SLC14A2: variants seen among roughly 807,000 people sequenced by gnomAD.
SLC14A2 encodes the protein solute carrier family 14 member 2.
SLC14A2 carries 91 observed loss-of-function variants against 104.6 expected under a neutral mutation model. The ratio of observed to expected loss-of-function variants is 0.87; its 90% CI spans 0.73 to 1.04. The LOEUF (loss-of-function observed/expected upper bound fraction) is 1.04, where lower values mean the gene tolerates loss of function less well. Among genes scored for constraint, SLC14A2 ranks in the 50% least tolerant of loss-of-function variants. The pLI is 0.00. For synonymous variants in SLC14A2, 476 were observed against 466.4 expected (o/e 1.02, Z -0.27); for missense variants, 1,189 against 1,156.0 (o/e 1.03, Z -0.41).
intron 1 of SLC14A2, among the ~76,000 whole-genome samples, chr18:45,478,868 G>C (rs754190949): frequency 2.0e-5 from 3 of 152,006 alleles, no homozygotes; most frequent in Non-Finnish European, 4.4e-5. Flanking sequence ...AGCTTAAATA[G>C]AATTTTTAAG....
At chr18:45,259,039 C>G (rs927067772) in intron 1 of SLC14A2, among the ~76,000 whole-genome samples, 2 of 152,214 alleles carry the variant, frequency 1.3e-5, no homozygotes, top group South Asian at 2.1e-4. Context: ...GTGGATTTCC[C>G]TGAGCTCTGG....
chr18:45,595,027 A>G (rs1329536591), intron 2 of SLC14A2, among the ~76,000 whole-genome samples: 1 of 152,116 alleles, frequency 6.6e-6, no homozygotes, highest in Non-Finnish European at 1.5e-5. Context: ...AACCCTACCC[A>G]GACATTCACT....
chr18:45,465,650 A>G (rs2087127076), intron 1 of SLC14A2, among the ~76,000 whole-genome samples: 1 of 152,100 alleles, frequency 6.6e-6, no homozygotes, highest in Non-Finnish European at 1.5e-5. Context: ...GAAAACCATG[A>G]AAGCATGCCT....
At chr18:45,527,544 A>G (rs1264897468) in intron 2 of SLC14A2, among the ~76,000 whole-genome samples, 3 of 152,212 alleles carry the variant, frequency 2.0e-5, no homozygotes, top group African/African-American at 7.2e-5. Context: ...AAAAAGAAAG[A>G]CAACATTTAG....
chr18:45,260,665 T>C (rs2084526312), intron 1 of SLC14A2, among the ~76,000 whole-genome samples: 1 of 152,148 alleles, frequency 6.6e-6, no homozygotes, highest in South Asian at 2.1e-4. Flanking sequence ...TGCAGCAACA[T>C]GGATGCAGCT....
intron 1 of SLC14A2, among the ~76,000 whole-genome samples, chr18:45,271,971 A>T (rs1278334930): frequency 3.3e-5 from 5 of 152,180 alleles, no homozygotes. Context: ...ATGGAACAGA[A>T]TAGAGAACCC....
intron 1 of SLC14A2, among the ~76,000 whole-genome samples, chr18:45,396,622 TTTTTG>T (rs1880051786): frequency 1.4e-5 from 2 of 144,038 alleles, no homozygotes; most frequent in African/African-American, 2.8e-5. Flanking sequence ...ACCTGGTTTT[TTTTTG>T]TTTTTGTTTT....
intron 1 of SLC14A2, among the ~76,000 whole-genome samples, chr18:45,623,259 T>C (rs2045204894): frequency 6.6e-6 from 1 of 152,098 alleles, no homozygotes; most frequent in South Asian, 2.1e-4. Flanking sequence ...TGGAAATCAG[T>C]TGCTGAAAAG....
At chr18:45,535,126 T>G (rs2144842023) in intron 2 of SLC14A2, among the ~76,000 whole-genome samples, 1 of 152,216 alleles carries the variant, frequency 6.6e-6, no homozygotes, top group East Asian at 1.9e-4. Flanking sequence ...TGTTTGGAGA[T>G]CTTTCCAAAA....
chr18:45,400,901 T>C (rs565317789), intron 1 of SLC14A2, among the ~76,000 whole-genome samples: 1 of 152,344 alleles, frequency 6.6e-6, no homozygotes, highest in East Asian at 1.9e-4. Context: ...AAGGAGCCCC[T>C]TCGAACTTCC....
At chr18:45,221,607 A>G (rs761304509) in intron 1 of SLC14A2, among the ~76,000 whole-genome samples, 1 of 152,210 alleles carries the variant, frequency 6.6e-6, no homozygotes, top group Non-Finnish European at 1.5e-5. Flanking sequence ...GCTTACCACC[A>G]GAAAAAGTGT....
At chr18:45,452,031 C>G (rs2086865931) in intron 1 of SLC14A2, among the ~76,000 whole-genome samples, 1 of 151,592 alleles carries the variant, frequency 6.6e-6, no homozygotes, top group African/African-American at 2.4e-5. Flanking sequence ...CAATATTTTT[C>G]AAATCAAAAA....
rs570140991 is a variant in SLC14A2, at chr18:45,347,623, G to A, written c.-125+134432G>A. Among the ~76,000 whole-genome samples, 26 of 152,218 alleles carry A rather than the reference G, an allele frequency of 1.7e-4. 1 individual carries two copies. In the South Asian group the frequency reaches 4.4e-3, roughly 26 times the overall value. On this transcript the variant is annotated intron_variant, in intron 1 of 20. Transcript: ENST00000586448. Reference sequence around the variant, plus strand: ...TCTCTCCTGGTGCTAATACCATCTGGTTATAATAACTACAGCTTTACACTA... The same window carrying A: ...TCTCTCCTGGTGCTAATACCATCTGATTATAATAACTACAGCTTTACACTA...
chr18:45,593,486 C>CT (rs1172271684), intron 2 of SLC14A2, among the ~76,000 whole-genome samples: 43,190 of 88,718 alleles, frequency 0.49, 13,569 homozygotes, highest in East Asian at 0.6. Flanking sequence ...TTTCCTTAAT[C>CT]TTTTTTTTTT....
intron 2 of SLC14A2, among the ~76,000 whole-genome samples, chr18:45,500,754 G>T (rs193159156): frequency 6.6e-6 from 1 of 152,116 alleles, no homozygotes; most frequent in Non-Finnish European, 1.5e-5. Context: ...GAATATAAAG[G>T]TCAGGGGCAA....
intron 2 of SLC14A2, among the ~76,000 whole-genome samples, chr18:45,590,043 T>G (rs2044625584): frequency 6.6e-6 from 1 of 152,208 alleles, no homozygotes; most frequent in Admixed American, 6.5e-5. Flanking sequence ...TTGACCACTT[T>G]AGCTGCTGGG....
chr18:45,527,221 G>A (rs1479033332), intron 2 of SLC14A2, among the ~76,000 whole-genome samples: 3 of 152,144 alleles, frequency 2.0e-5, no homozygotes, highest in East Asian at 1.9e-4. Flanking sequence ...CGTTGGGATG[G>A]CAGATTTATC....
At chr18:45,363,689 C>T (rs1046162744) in intron 1 of SLC14A2, among the ~76,000 whole-genome samples, 1 of 152,162 alleles carries the variant, frequency 6.6e-6, no homozygotes, top group African/African-American at 2.4e-5. Flanking sequence ...GAGGTTTATT[C>T]CTGAATGACA....
upstream of SLC14A2, among the ~76,000 whole-genome samples, chr18:45,212,597 A>G (rs961033981): frequency 6.6e-6 from 1 of 152,106 alleles, no homozygotes; most frequent in African/African-American, 2.4e-5. Flanking sequence ...CTTTAGCTAC[A>G]CCTATATTGA....
Sources: allele counts gnomAD v4.1 joint callset (sites outside exome capture counted in the v4.1 genomes callset), GRCh38; gene constraint gnomAD v4.1.1; transcripts MANE v1.5; gene names NCBI Gene and HGNC (gene_info 2026-07-23, HGNC 2026-07-21).